SPAG16: variants seen among roughly 807,000 people sequenced by gnomAD.
SPAG16 encodes the protein sperm associated antigen 16.
A neutral mutation model predicts 80.4 loss-of-function variants in SPAG16; 86 were observed. That is an observed-to-expected ratio of 1.07 (90% CI 0.90 to 1.28). The LOEUF (loss-of-function observed/expected upper bound fraction) is 1.28. Among genes scored for constraint, SPAG16 ranks in the 50% most tolerant of loss-of-function variants. The probability of loss-of-function intolerance (pLI) is 0.00; values close to 1 mark genes in which losing one functional copy is unlikely to be tolerated. For synonymous variants in SPAG16, 294 were observed against 265.9 expected (o/e 1.11, Z -1.03); for missense variants, 870 against 765.3 (o/e 1.14, Z -1.61).
intron 15 of SPAG16, among the ~76,000 whole-genome samples, chr2:214,286,701 C>A (rs1327894700): frequency 6.6e-6 from 1 of 152,098 alleles, no homozygotes; most frequent in Admixed American, 6.6e-5. Flanking sequence ...AAGCCAAGAT[C>A]ACACCACTGC....
chr2:213,716,124 C>CT (rs1326495058), intron 10 of SPAG16, among the ~76,000 whole-genome samples: 2 of 151,908 alleles, frequency 1.3e-5, no homozygotes, highest in African/African-American at 2.4e-5. Context: ...ACTTTTAGTT[C>CT]TTTTTTTATC....
intron 10 of SPAG16, among the ~76,000 whole-genome samples, chr2:213,498,777 T>A (rs1376169955): frequency 6.6e-6 from 1 of 152,188 alleles, no homozygotes; most frequent in East Asian, 1.9e-4. Flanking sequence ...AGATGACCTG[T>A]GAGTCTTTTT....
chr2:213,504,978 T>G (rs1282251025), intron 10 of SPAG16, among the ~76,000 whole-genome samples: 1 of 152,226 alleles, frequency 6.6e-6, no homozygotes, highest in African/African-American at 2.4e-5. Flanking sequence ...CTCACAGTCT[T>G]TCCCCCTCAG....
At chr2:213,322,732 A>C (rs2063677047) in intron 5 of SPAG16, among the ~76,000 whole-genome samples, 1 of 152,178 alleles carries the variant, frequency 6.6e-6, no homozygotes, top group South Asian at 2.1e-4. Flanking sequence ...ACATGGGTAA[A>C]GGAGACAGAC....
intron 10 of SPAG16, among the ~76,000 whole-genome samples, chr2:213,817,837 G>A (rs529968225): frequency 6.6e-6 from 1 of 151,986 alleles, no homozygotes; most frequent in Admixed American, 6.6e-5. Context: ...GAGGGAGGTG[G>A]GTAAGTGTTG....
intron 10 of SPAG16, among the ~76,000 whole-genome samples, chr2:213,704,406 G>A (rs1335633344): frequency 6.6e-6 from 1 of 152,108 alleles, no homozygotes; most frequent in Non-Finnish European, 1.5e-5. Context: ...GTAACATATA[G>A]CTAATGATAG....
chr2:214,068,091 C>G (rs981844980), intron 13 of SPAG16, among the ~76,000 whole-genome samples: 1 of 152,108 alleles, frequency 6.6e-6, no homozygotes, highest in African/African-American at 2.4e-5. Context: ...ATTTCCACAA[C>G]TATCACTGGC....
rs192098995 is a variant in SPAG16 at position 213,816,155 on chromosome 2, A to G, written c.1071-46330A>G. ...GGTTCCTGCTGTTTTTGAAACTTTC[A>G]TAAATGGAATCATACAGTATATACT... On this transcript the variant is annotated intron_variant, in intron 10 of 15. Coordinates refer to ENST00000331683, the MANE Select transcript of SPAG16 (RefSeq NM_024532.5). Among the ~76,000 whole-genome samples, 224 of 152,324 alleles carry G rather than the reference A, an allele frequency of 1.5e-3. 2 individuals carry two copies. The highest frequency in any genetic ancestry group is 2.3e-3 in the Non-Finnish European group (155 of 68,000).
In SPAG16 at chr2:214,333,044, C is replaced by T. The variant is rs145034396; in HGVS notation, c.1721-77096C>T. Among the ~76,000 whole-genome samples, 39 of 152,220 alleles carry T rather than the reference C, an allele frequency of 2.6e-4. 1 individual carries two copies. The highest frequency in any genetic ancestry group is 8.5e-4 in the Admixed American group (13 of 15,292). On this transcript the variant is annotated intron_variant, in intron 15 of 15. Transcript: ENST00000331683. ...TTAAATATTTCTTTTTTCCCATTAT[C>T]GGAGGAAATGGCTGTAGGACCCTTT...
chr2:213,963,093 CTTTT>C (rs61193296), intron 12 of SPAG16, among the ~76,000 whole-genome samples: 117 of 140,696 alleles, frequency 8.3e-4, no homozygotes, highest in Admixed American at 1.1e-3. Context: ...TTAGTTTGCT[CTTTT>C]TTTTTTTTTT....
intron 10 of SPAG16, among the ~76,000 whole-genome samples, chr2:213,811,610 G>A (rs1352061899): frequency 6.6e-6 from 1 of 152,082 alleles, no homozygotes; most frequent in African/African-American, 2.4e-5. Flanking sequence ...AAGGCAATGA[G>A]ATGAAAAATA....
intron 9 of SPAG16, among the ~76,000 whole-genome samples, chr2:213,403,659 C>T (rs1189682313): frequency 3.3e-5 from 5 of 152,178 alleles, no homozygotes; most frequent in Non-Finnish European, 7.3e-5. Flanking sequence ...GACAGGGATG[C>T]CCCCTCTCAT....
At chr2:214,226,665 C>A (rs1464982695) in intron 15 of SPAG16, among the ~76,000 whole-genome samples, 2 of 151,984 alleles carry the variant, frequency 1.3e-5, no homozygotes, top group South Asian at 2.1e-4. Flanking sequence ...AATACTCCCC[C>A]CAAAGCTTAC....
At chr2:214,128,532 A>G (rs2054605089) in intron 14 of SPAG16, among the ~76,000 whole-genome samples, 1 of 151,816 alleles carries the variant, frequency 6.6e-6, no homozygotes, top group African/African-American at 2.4e-5. Flanking sequence ...CTGTGCCAAA[A>G]TCAATTAATA....
rs566585752 is a variant in SPAG16, at chr2:213,288,430, G to A, written c.136+3811G>A. Among the ~76,000 whole-genome samples, 11 of 151,560 alleles carry A rather than the reference G, an allele frequency of 7.3e-5. No homozygotes were observed. In the East Asian group the frequency reaches 1.7e-3, roughly 24 times the overall value. On this transcript the variant is annotated intron_variant, in intron 1 of 15. Transcript: ENST00000331683. ...TGCCATTCTGCTGCCCCAGCCTCCC[G>A]AGTAGCTGGGACTACAGGCATCTGC...
At chr2:214,375,178 G>C (rs1403381844) in intron 15 of SPAG16, among the ~76,000 whole-genome samples, 2 of 152,104 alleles carry the variant, frequency 1.3e-5, no homozygotes, top group Non-Finnish European at 2.9e-5. Context: ...CACACTAACT[G>C]ACCTTTCCAG....
At chr2:214,238,009 C>T in intron 15 of SPAG16, 1 of 255,250 alleles carries the variant, frequency 3.9e-6, no homozygotes, top group Non-Finnish European at 7.8e-6. Context: ...CTAAAACAAA[C>T]ATTTGAATTA....
intron 9 of SPAG16, among the ~76,000 whole-genome samples, chr2:213,431,340 A>C (rs1385833560): frequency 3.9e-5 from 6 of 152,090 alleles, no homozygotes; most frequent in African/African-American, 1.4e-4. Context: ...TCCACTTAAA[A>C]GATATAGATT....
intron 6 of SPAG16, among the ~76,000 whole-genome samples, chr2:213,342,669 GA>G (rs2064761056): frequency 6.6e-6 from 1 of 151,850 alleles, no homozygotes; most frequent in African/African-American, 2.4e-5. Context: ...GACTTTTGGG[GA>G]ATTTCTGCTT....
Sources: gnomAD v4.1 joint callset for allele counts (sites outside exome capture counted in the v4.1 genomes callset) on GRCh38, gnomAD v4.1.1 for gene constraint, MANE v1.5 for transcripts, NCBI Gene and HGNC (gene_info 2026-07-23, HGNC 2026-07-21) for gene names.